SLC25A16: variants seen among roughly 807,000 people sequenced by gnomAD.
SLC25A16 encodes the protein solute carrier family 25 member 16, also known as mitochondrial coenzyme A transporter SLC25A16.
A neutral mutation model predicts 41.5 loss-of-function variants in SLC25A16; 39 were observed. The ratio of observed to expected loss-of-function variants is 0.94; its 90% confidence interval spans 0.73 to 1.23. The LOEUF (loss-of-function observed/expected upper bound fraction) is 1.23. Ranked by LOEUF, SLC25A16 falls within the 50% of genes most tolerant of loss-of-function variation. SLC25A16 has a pLI of 0.00. For synonymous variants in SLC25A16, 146 were observed against 147.8 expected, an observed-to-expected ratio of 0.99 and a Z score of 0.09; for missense variants, 421 against 426.9, an observed-to-expected ratio of 0.99 and a Z score of 0.12.
rs754605812 is a variant in SLC25A16 at position 68,527,429 on chromosome 10, G to C, written c.-54C>G. The C allele has an allele frequency of 6.3e-6, 9 of 1,417,728 alleles. No homozygotes were observed. Among genetic ancestry groups the C allele is most frequent in the Middle Eastern group, 2.5e-4 (1 of 3,942 alleles). The allele number at this position is 1,417,728 out of a possible 1,614,324, so 87.8% of individuals were successfully genotyped here. ...GTTGCCAACTTACAGAACACCGGACGGGACCATAGCCGGAACAGGCGGTGA... is the reference window on the plus strand; with the variant it reads ...GTTGCCAACTTACAGAACACCGGACCGGACCATAGCCGGAACAGGCGGTGA... On this transcript the variant is annotated 5_prime_UTR_variant, in exon 1 of 9. Coordinates refer to ENST00000609923, the MANE Select transcript of SLC25A16 (RefSeq NM_152707.4).
At chr10:68,489,721 T>C (rs1003231747) in intron 6 of SLC25A16, among the ~76,000 whole-genome samples, 1 of 151,876 alleles carries the variant, frequency 6.6e-6, no homozygotes, top group African/African-American at 2.4e-5. Context: ...GCCAACATGG[T>C]GAAACCCTGT....
intron 8 of SLC25A16, among the ~76,000 whole-genome samples, chr10:68,486,828 G>GT (rs1203382582): frequency 6.6e-5 from 10 of 151,454 alleles, no homozygotes; most frequent in African/African-American, 2.4e-4. Context: ...ATGGTGGTGG[G>GT]TGTCTGTAAT....
At chr10:68,520,988 A>G (rs2133598806) in intron 1 of SLC25A16, among the ~76,000 whole-genome samples, 1 of 147,702 alleles carries the variant, frequency 6.8e-6, no homozygotes, top group South Asian at 2.2e-4. Flanking sequence ...ACAAAAAATT[A>G]GCCGGCATGG....
rs199822326 is a variant in SLC25A16, at chr10:68,491,798, T to C, written c.610+1334A>G. On this transcript the variant is annotated intron_variant, in intron 6 of 8. Coordinates refer to ENST00000609923, the MANE Select transcript of SLC25A16 (RefSeq NM_152707.4). ...AAGCTTGATAGTAAACTTCTCTCTG[T>C]TTGCTTGCTTGCTTGCTTGATTGAT... Among the ~76,000 whole-genome samples, 17 of 151,104 alleles carry C rather than the reference T, an allele frequency of 1.1e-4. No homozygotes were observed. In the East Asian group the frequency reaches 2.9e-3, roughly 26 times the overall value.
At position 68,488,476 on chromosome 10, in the gene SLC25A16, T is replaced by C; in HGVS notation, c.764A>G (p.Gln255Arg). The C allele has an allele frequency of 1.3e-6, 2 of 1,533,682 alleles. No homozygotes were observed. The highest frequency in any genetic ancestry group is 2.4e-5 in the East Asian group (1 of 42,128). The change falls in exon 7 of 9, where the codon CAG (glutamine) becomes CGG (arginine). Residue 255 changes from glutamine to arginine, a missense_variant. Gln to Arg is a conservative substitution (Grantham distance 43, BLOSUM62 1). Coordinates refer to ENST00000609923, the MANE Select transcript of SLC25A16 (RefSeq NM_152707.4). ...TAGTGAAGAAACTTACGATATTGTC[T>C]GCGCTATTGCTCCAGCAACACCACC... Reference protein sequence around the residue: ...LCGGVAGAIAQTISYPFDVTR... With the variant: ...LCGGVAGAIARTISYPFDVTR...
chr10:68,511,179 T>C (rs2133570869), intron 2 of SLC25A16, among the ~76,000 whole-genome samples: 1 of 152,196 alleles, frequency 6.6e-6, no homozygotes, highest in Admixed American at 6.6e-5. Context: ...AGGCGGAGGT[T>C]GCAGTGAGCC....
In SLC25A16 at chr10:68,488,590, CCAA is replaced by C. The variant is rs1258445459; in HGVS notation, c.647_649del (p.Val216del). On this transcript the variant is annotated inframe_deletion, in exon 7 of 9. Coordinates refer to ENST00000609923, the MANE Select transcript of SLC25A16 (RefSeq NM_152707.4). ...AAGAAGGGTAGGAGCATGGGAAAGC[CCAA>C]CACTCTTCAAGGTACCAAAAGTAAA... 1 of 1,612,362 alleles carries C rather than the reference CCAA, an allele frequency of 6.2e-7. No individual in the cohort carries two copies. Among genetic ancestry groups the C allele is most frequent in the Admixed American group, 1.7e-5 (1 of 59,516 alleles).
intron 2 of SLC25A16, among the ~76,000 whole-genome samples, chr10:68,514,801 G>C (rs1431551372): frequency 1.3e-5 from 2 of 151,720 alleles, no homozygotes; most frequent in Admixed American, 6.6e-5. Context: ...GCAATGGCTT[G>C]ATCTCAGCTT....
At chr10:68,488,750 A>G (rs1024764479) in intron 6 of SLC25A16, 121 bp from the exon 7 acceptor site, 37 of 810,338 alleles carry the variant, frequency 4.6e-5, no homozygotes, top group Non-Finnish European at 6.2e-5. Flanking sequence ...TTTAAAATAG[A>G]AAGATTTGTG....
Position 68,488,636 on chromosome 10 carries a change from A to G in SLC25A16, c.611-7T>C, listed in dbSNP as rs774873051. 1.2e-6 allele frequency: 2 copies of G among 1,610,042 alleles called. No homozygotes were observed. Among genetic ancestry groups the G allele is most frequent in the Non-Finnish European group, 1.7e-6 (2 of 1,177,694 alleles). Reference sequence around the variant, plus strand: ...AAAGTAAAAAATGAAACACCTGAAAAACAAAAAATAAATTCACCATGATGC... The same window carrying G: ...AAAGTAAAAAATGAAACACCTGAAAGACAAAAAATAAATTCACCATGATGC... On this transcript the variant is annotated splice_region_variant and splice_polypyrimidine_tract_variant and intron_variant, in intron 6 of 8. Transcript: ENST00000609923.
At chr10:68,505,436 C>A (rs946617142) in intron 3 of SLC25A16, among the ~76,000 whole-genome samples, 3 of 152,108 alleles carry the variant, frequency 2.0e-5, no homozygotes, top group African/African-American at 7.2e-5. Flanking sequence ...TTATTATTAT[C>A]TTCTTTAAAG....
intron 3 of SLC25A16, among the ~76,000 whole-genome samples, chr10:68,505,591 G>A (rs1263522721): frequency 4.6e-5 from 7 of 151,878 alleles, no homozygotes; most frequent in African/African-American, 1.2e-4. Context: ...TGACCAACAT[G>A]GTGAAACCCC....
In SLC25A16 at chr10:68,493,317, GA is replaced by G. The variant is rs2052692975; in HGVS notation, c.544-120del. On this transcript the variant is annotated intron_variant, in intron 5 of 8. Coordinates refer to ENST00000609923, the MANE Select transcript of SLC25A16 (RefSeq NM_152707.4). ...TCAGGGATCCACCCTGAAACACAAA[GA>G]TGTGTTTTCGTAATTATTGTTATTA... 13 of 1,109,596 alleles carry G rather than the reference GA, an allele frequency of 1.2e-5. No individual in the cohort carries two copies. In the South Asian group the frequency reaches 1.7e-4, roughly 14 times the overall value. The allele number at this position is 1,109,596 out of a possible 1,614,324, so 68.7% of individuals were successfully genotyped here. A position where few individuals can be genotyped will look rare whatever the true frequency, so the allele number is the denominator to read the frequency against.
At chr10:68,489,201 G>A (rs1215357426) in intron 6 of SLC25A16, among the ~76,000 whole-genome samples, 1 of 152,118 alleles carries the variant, frequency 6.6e-6, no homozygotes, top group Non-Finnish European at 1.5e-5. Context: ...CCCAGGAGGC[G>A]GAGTTTGCGG....
chr10:68,488,622 T>A lies in SLC25A16; in HGVS notation c.618A>T (p.Ser206=), dbSNP rs138671352. Residue 206 remains serine, a synonymous_variant, in exon 7 of 9, where the codon TCA becomes TCT. Coordinates refer to ENST00000609923, the MANE Select transcript of SLC25A16 (RefSeq NM_152707.4). ...TCTTCAAGGTACCAAAAGTAAAAAATGAAACACCTGAAAAACAAAAAATAA... is the reference window on the plus strand; with the variant it reads ...TCTTCAAGGTACCAAAAGTAAAAAAAGAAACACCTGAAAAACAAAAAATAA... The part of the protein sequence containing the change: ...ILGMAPYAGV[S]FFTFGTLKSV... The A allele has an allele frequency of 6.2e-7, 1 of 1,612,226 alleles. No homozygotes were observed. The highest frequency in any genetic ancestry group is 8.5e-7 in the Non-Finnish European group (1 of 1,179,434).
intron 1 of SLC25A16, chr10:68,517,227 C>A (rs2053175102): frequency 1.2e-5 from 12 of 991,008 alleles, no homozygotes; most frequent in Admixed American, 6.1e-5. Context: ...AGGTATTTAT[C>A]CGATTGCCAG....
At chr10:68,502,676 G>A (rs1022498557) in intron 4 of SLC25A16, among the ~76,000 whole-genome samples, 35 of 144,366 alleles carry the variant, frequency 2.4e-4, no homozygotes, top group Non-Finnish European at 4.5e-5. Context: ...GGGCTGCAGT[G>A]AGTTGTGATC....
Position 68,481,451 on chromosome 10 carries a change from C to T in SLC25A16, c.*1981G>A, listed in dbSNP as rs2052482650. 6.6e-6 allele frequency: 1 copy of T among 152,136 alleles called. No homozygotes were observed. The highest frequency in any genetic ancestry group is 2.4e-5 in the African/African-American group (1 of 41,438). The allele number at this position is 152,136 out of a possible 1,614,324, so 9.4% of individuals were successfully genotyped here. A position where few individuals can be genotyped will look rare whatever the true frequency, so the allele number is the denominator to read the frequency against. On this transcript the variant is annotated 3_prime_UTR_variant, in exon 9 of 9. Coordinates refer to ENST00000609923, the MANE Select transcript of SLC25A16 (RefSeq NM_152707.4). ...AATAAAAATTGAAGCAAAAATAACACTTTCAACTTAGTTTTCCTTCTTTTG... is the reference window on the plus strand; with the variant it reads ...AATAAAAATTGAAGCAAAAATAACATTTTCAACTTAGTTTTCCTTCTTTTG...
chr10:68,511,716 A>G (rs1209557299), intron 2 of SLC25A16, among the ~76,000 whole-genome samples: 1 of 152,110 alleles, frequency 6.6e-6, no homozygotes, highest in Non-Finnish European at 1.5e-5. Flanking sequence ...TTTTGGAGAC[A>G]GAGTCTCACT....
Sources: gnomAD v4.1 joint callset for allele counts (sites outside exome capture counted in the v4.1 genomes callset) on GRCh38, gnomAD v4.1.1 for gene constraint, MANE v1.5 for transcripts, NCBI Gene and HGNC (gene_info 2026-07-23, HGNC 2026-07-21) for gene names.